Variants in KSR2 observed in about 807,000 individuals in gnomAD.
KSR2 encodes kinase suppressor of ras 2.
KSR2 carries 25 observed loss-of-function variants against 107.8 expected under a neutral mutation model. The ratio of observed to expected loss-of-function variants is 0.23; its 90% CI spans 0.17 to 0.32. KSR2 has a LOEUF of 0.32. Ranked by LOEUF, KSR2 falls within the 10% of genes least tolerant of loss-of-function variation. The pLI, the probability that KSR2 is intolerant of heterozygous loss-of-function variation, is 1.00. For missense variants in KSR2, 887 were observed against 1,268.9 expected (o/e 0.70, Z 4.57); for synonymous variants, 480 against 507.0 (o/e 0.95, Z 0.71).
intron 1 of KSR2, 31 bp from the exon 2 acceptor site, chr12:117,860,462 C>T (rs1360089730): frequency 3.8e-6 from 6 of 1,573,340 alleles, no homozygotes; most frequent in Non-Finnish European, 5.2e-6. Context: ...ACAGAGGACA[C>T]ATCTCAGAGG....
At chr12:117,813,457 T>G (rs1891270449) in intron 3 of KSR2, among the ~76,000 whole-genome samples, 1 of 152,104 alleles carries the variant, frequency 6.6e-6, no homozygotes, top group African/African-American at 2.4e-5. Flanking sequence ...AATGATAATC[T>G]GATTAAAAAT....
chr12:117,672,694 G>A (rs955815980), intron 4 of KSR2, among the ~76,000 whole-genome samples: 5 of 151,534 alleles, frequency 3.3e-5, no homozygotes, highest in African/African-American at 7.3e-5. Flanking sequence ...GTACGATCTC[G>A]GCCCACCACA....
intron 3 of KSR2, among the ~76,000 whole-genome samples, chr12:117,777,837 C>T (rs1240598125): frequency 1.3e-5 from 2 of 151,940 alleles, no homozygotes; most frequent in African/African-American, 2.4e-5. Context: ...TTGAGGCCAG[C>T]CTGGGCAACA....
chr12:117,815,625 G>A lies in KSR2; in HGVS notation c.472+39803C>T, dbSNP rs191917106. Among the ~76,000 whole-genome samples, 122 of 152,064 alleles carry A rather than the reference G, an allele frequency of 8.0e-4. 1 individual carries two copies. The highest frequency in any genetic ancestry group is 1.3e-3 in the Non-Finnish European group (85 of 67,964). On this transcript the variant is annotated intron_variant, in intron 3 of 19. Coordinates refer to ENST00000339824, the MANE Select transcript of KSR2 (RefSeq NM_173598.6). ...AAGTAAACAGTATATATGCTAAAGA[G>A]TGCATGAAAAAAAAGTAAGTACTAT...
rs189068589 is a variant in KSR2, at chr12:117,699,566, T to C, written c.987-31908A>G. On this transcript the variant is annotated intron_variant, in intron 4 of 19. Transcript: ENST00000339824. Reference sequence around the variant, plus strand: ...GACAACTGTAATGCAATGTAATTATTTGTGTATCCAAACATCTAAACATAG... The same window carrying C: ...GACAACTGTAATGCAATGTAATTATCTGTGTATCCAAACATCTAAACATAG... Among the ~76,000 whole-genome samples the C allele has an allele frequency of 2.6e-5, 4 of 152,310 alleles. No individual in the cohort carries two copies. The East Asian group carries it at 7.7e-4, about 29-fold the overall frequency.
At chr12:117,678,434 G>A (rs890098736) in intron 4 of KSR2, among the ~76,000 whole-genome samples, 2 of 151,962 alleles carry the variant, frequency 1.3e-5, no homozygotes, top group Admixed American at 1.3e-4. Flanking sequence ...GGGCTCTCTG[G>A]GTGAGACCTA....
chr12:117,628,237 T>A (rs976079379), intron 5 of KSR2, among the ~76,000 whole-genome samples: 1 of 152,208 alleles, frequency 6.6e-6, no homozygotes, highest in Non-Finnish European at 1.5e-5. Flanking sequence ...CTTTGTTCCG[T>A]TGCTGGTGAG....
chr12:117,610,855 T>C (rs567385755), intron 5 of KSR2, among the ~76,000 whole-genome samples: 3 of 151,400 alleles, frequency 2.0e-5, no homozygotes, highest in African/African-American at 4.9e-5. Context: ...GACATATAGA[T>C]AGATAAAGAG....
chr12:117,474,527 C>A (rs1391753935), intron 17 of KSR2, among the ~76,000 whole-genome samples: 1 of 152,068 alleles, frequency 6.6e-6, no homozygotes, highest in African/African-American at 2.4e-5. Context: ...TGCAGGCCTG[C>A]AACTTTCCCA....
At chr12:117,594,914 T>C (rs1880543518) in intron 5 of KSR2, among the ~76,000 whole-genome samples, 2 of 152,120 alleles carry the variant, frequency 1.3e-5, no homozygotes. Flanking sequence ...CAGAACAGCT[T>C]CCTCCAACAG....
At chr12:117,686,425 A>G (rs2038212632) in intron 4 of KSR2, among the ~76,000 whole-genome samples, 1 of 151,758 alleles carries the variant, frequency 6.6e-6, no homozygotes, top group South Asian at 2.1e-4. Flanking sequence ...AGGGTCAGAG[A>G]GGCTAGGCGA....
chr12:117,528,235 C>T (rs1875359900), intron 12 of KSR2, among the ~76,000 whole-genome samples: 1 of 151,956 alleles, frequency 6.6e-6, no homozygotes, highest in African/African-American at 2.4e-5. Context: ...CTGTCAAATG[C>T]ATGTGACATT....
intron 5 of KSR2, among the ~76,000 whole-genome samples, chr12:117,586,629 A>AAGAAAGAAAG (rs1555219139): frequency 5.6e-4 from 78 of 138,390 alleles, no homozygotes; most frequent in Middle Eastern, 7.1e-3. Context: ...AAAAGAAAGA[A>AAGAAAGAAAG]AAAGAAAGAA....
Position 117,777,088 on chromosome 12 carries a change from T to TTATATATATATATATATATATATA in KSR2, c.473-15565_473-15564insTATATATATATATATATATATATA, listed in dbSNP as rs1288633301. ...AGACACTGTATTTAATATATATATTTTATATATATATATATATATACACAC... is the reference window on the plus strand; with the variant it reads ...AGACACTGTATTTAATATATATATTTTATATATATATATATATATATATATATATATATATATATATATACACAC... On this transcript the variant is annotated intron_variant, in intron 3 of 19. Coordinates refer to ENST00000339824, the MANE Select transcript of KSR2 (RefSeq NM_173598.6). Among the ~76,000 whole-genome samples the TTATATATATATATATATATATATA allele has an allele frequency of 7.6e-4, 101 of 132,490 alleles. 1 individual carries two copies. The highest frequency in any genetic ancestry group is 2.7e-3 in the African/African-American group (88 of 32,164). 86.9% of individuals were successfully genotyped at this position (132,490 alleles called of 152,430 possible).
rs61299121 is a variant in KSR2, at chr12:117,462,236, C to CAAAAAAAAAAAAAA, written c.*4949_*4962dup. On this transcript the variant is annotated 3_prime_UTR_variant, in exon 20 of 20. Transcript: ENST00000339824. Reference sequence around the variant, plus strand: ...GTGTTATAAGTTGTGGTGTCCCCAACAAAAAAAAAAAAAAAAAAAAAAAGA... The same window carrying CAAAAAAAAAAAAAA: ...GTGTTATAAGTTGTGGTGTCCCCAACAAAAAAAAAAAAAAAAAAAAAAAAAAAAAAAAAAAAAGA... The CAAAAAAAAAAAAAA allele has an allele frequency of 3.0e-5, 2 of 66,464 alleles. No individual in the cohort carries two copies. The highest frequency in any genetic ancestry group is 5.8e-5 in the African/African-American group (1 of 17,250). 4.1% of individuals were successfully genotyped at this position (66,464 alleles called of 1,614,324 possible).
chr12:117,491,336 C>T (rs1057066040), intron 14 of KSR2, among the ~76,000 whole-genome samples: 6 of 152,128 alleles, frequency 3.9e-5, no homozygotes, highest in African/African-American at 9.7e-5. Context: ...CCTACCACCA[C>T]GCCTGGCTAA....
At chr12:117,473,090 C>G (rs542289535) in intron 17 of KSR2, among the ~76,000 whole-genome samples, 8 of 152,276 alleles carry the variant, frequency 5.3e-5, no homozygotes, top group African/African-American at 1.9e-4. Context: ...TTCAAACAAG[C>G]CAATCCTAAG....
intron 3 of KSR2, among the ~76,000 whole-genome samples, chr12:117,826,930 C>CA (rs1416249310): frequency 1.4e-5 from 2 of 144,496 alleles, no homozygotes; most frequent in Non-Finnish European, 3.0e-5. Flanking sequence ...ACAAAAAATA[C>CA]AAAAAAATTA....
intron 1 of KSR2, among the ~76,000 whole-genome samples, chr12:117,949,853 T>C (rs79490571): frequency 6.6e-6 from 1 of 152,178 alleles, no homozygotes; most frequent in Non-Finnish European, 1.5e-5. Flanking sequence ...AGTAAGTATA[T>C]GCTTAAGATC....
Sources: allele counts gnomAD v4.1 joint callset (sites outside exome capture counted in the v4.1 genomes callset), GRCh38; gene constraint gnomAD v4.1.1; transcripts MANE v1.5; gene names NCBI Gene and HGNC (gene_info 2026-07-23, HGNC 2026-07-21).